Variants in PRR5L observed in about 807,000 individuals in gnomAD.
PRR5L encodes the protein proline rich 5 like, also known as proline-rich protein 5-like.
Under a neutral mutation model 36.4 loss-of-function variants are expected in PRR5L, and 21 were observed. The ratio of observed to expected loss-of-function variants is 0.58; its 90% CI spans 0.41 to 0.83. PRR5L has a LOEUF of 0.83. Ranked by LOEUF, PRR5L falls within the 40% of genes least tolerant of loss-of-function variation. The probability of loss-of-function intolerance (pLI) is 0.00; values close to 1 mark genes in which losing one functional copy is unlikely to be tolerated. For missense variants in PRR5L, 381 were observed against 473.3 expected, an observed-to-expected ratio of 0.80 and a Z score of 1.81; for synonymous variants, 188 against 197.0, an observed-to-expected ratio of 0.95 and a Z score of 0.38.
chr11:36,346,212 C>T (rs2133484277), intron 1 of PRR5L, among the ~76,000 whole-genome samples: 1 of 152,218 alleles, frequency 6.6e-6, no homozygotes, highest in Non-Finnish European at 1.5e-5. Flanking sequence ...TGTGTTCAAG[C>T]GATCCTCCAG....
chr11:36,462,072 C>G (rs890575483), intron 8 of PRR5L, among the ~76,000 whole-genome samples: 2 of 152,186 alleles, frequency 1.3e-5, no homozygotes, highest in Non-Finnish European at 2.9e-5. Context: ...ACCAGATTCC[C>G]TTGACTCTTA....
At position 36,378,789 on chromosome 11, in the gene PRR5L, C is replaced by T. The variant is rs140669918; in HGVS notation, c.-125-22208C>T. On this transcript the variant is annotated intron_variant, in intron 1 of 8. Transcript: ENST00000530639. ...AGAGACTTTGATAATATTATATACT[C>T]CTCATGCAAACAATGATATAGGTAC... 4.0e-3 allele frequency among the ~76,000 whole-genome samples: 608 copies of T among 152,258 alleles called. 8 individuals carry two copies. The highest frequency in any genetic ancestry group is 0.013 in the African/African-American group (560 of 41,538).
intron 1 of PRR5L, among the ~76,000 whole-genome samples, chr11:36,298,385 C>G (rs1856336532): frequency 8.1e-6 from 1 of 122,962 alleles, no homozygotes. Context: ...AGTGTAGAAT[C>G]AGTGGGAGCC....
intron 1 of PRR5L, among the ~76,000 whole-genome samples, chr11:36,342,102 C>G (rs898223203): frequency 3.3e-5 from 5 of 152,190 alleles, no homozygotes; most frequent in Non-Finnish European, 7.3e-5. Context: ...TGGGAGGATA[C>G]AGCAGACTCA....
chr11:36,345,451 C>T (rs1162521893), intron 1 of PRR5L, among the ~76,000 whole-genome samples: 1 of 151,848 alleles, frequency 6.6e-6, no homozygotes, highest in African/African-American at 2.4e-5. Context: ...GATTGTGCCC[C>T]GTGGATAGCA....
At chr11:36,331,222 C>T (rs1207956986) in intron 1 of PRR5L, among the ~76,000 whole-genome samples, 1 of 152,170 alleles carries the variant, frequency 6.6e-6, no homozygotes, top group Non-Finnish European at 1.5e-5. Flanking sequence ...TGACATGCTT[C>T]ATAGGCAATT....
At chr11:36,416,829 G>GGAGGA (rs1290712482) in intron 3 of PRR5L, among the ~76,000 whole-genome samples, 1 of 151,798 alleles carries the variant, frequency 6.6e-6, no homozygotes, top group Non-Finnish European at 1.5e-5. Flanking sequence ...TGATAGGAGG[G>GGAGGA]GAGGAGATGT....
chr11:36,393,820 T>C (rs1330193420), intron 1 of PRR5L: 1 of 152,244 alleles, frequency 6.6e-6, no homozygotes, highest in African/African-American at 2.4e-5. Context: ...ATGGAATGTC[T>C]TTCCATTTTT....
At chr11:36,456,848 G>C (rs944945272) in intron 8 of PRR5L, among the ~76,000 whole-genome samples, 3 of 152,246 alleles carry the variant, frequency 2.0e-5, no homozygotes, top group Non-Finnish European at 2.9e-5. Flanking sequence ...TCAAGCCCCT[G>C]TTGGGGGCCC....
chr11:36,354,657 T>C (rs1857008155), intron 1 of PRR5L, among the ~76,000 whole-genome samples: 1 of 152,216 alleles, frequency 6.6e-6, no homozygotes, highest in Non-Finnish European at 1.5e-5. Flanking sequence ...ATGCTACATG[T>C]GCCTTTGAAG....
chr11:36,354,427 C>T (rs912955185), intron 1 of PRR5L, among the ~76,000 whole-genome samples: 2 of 152,102 alleles, frequency 1.3e-5, no homozygotes, highest in Admixed American at 1.3e-4. Flanking sequence ...ATCTGGCTGT[C>T]CCTTATCAAT....
At chr11:36,419,561 A>T (rs1056838841) in intron 4 of PRR5L, among the ~76,000 whole-genome samples, 1 of 152,196 alleles carries the variant, frequency 6.6e-6, no homozygotes, top group African/African-American at 2.4e-5. Context: ...CGTATTGCTT[A>T]TTTGGGTTAT....
intron 1 of PRR5L, among the ~76,000 whole-genome samples, chr11:36,331,495 G>C (rs1339635186): frequency 6.6e-6 from 1 of 152,128 alleles, no homozygotes; most frequent in Admixed American, 6.5e-5. Flanking sequence ...TAAAGCATAG[G>C]AAATTATTCT....
At chr11:36,421,752 T>G (rs778321111) in intron 4 of PRR5L, among the ~76,000 whole-genome samples, 12 of 150,450 alleles carry the variant, frequency 8.0e-5, no homozygotes, top group Non-Finnish European at 1.6e-4. Flanking sequence ...CATTAGGGCT[T>G]GTGGTTAGAA....
At position 36,418,571 on chromosome 11, in the gene PRR5L, C is replaced by T. The variant is rs1178359244; in HGVS notation, c.246-684C>T. The stretch of plus-strand genomic sequence containing the variant: ...CAGCACTTTGGGAGGCCGAGGCGGG[C>T]GGATCACGAGGTCAGGAGATCGAGA... On this transcript the variant is annotated intron_variant, in intron 3 of 8. Transcript: ENST00000530639. 7.2e-5 allele frequency among the ~76,000 whole-genome samples: 11 copies of T among 152,142 alleles called. No homozygotes were observed. In the East Asian group the frequency reaches 9.7e-4, roughly 13 times the overall value.
chr11:36,390,242 G>T (rs143916581), intron 1 of PRR5L, among the ~76,000 whole-genome samples: 2 of 152,330 alleles, frequency 1.3e-5, no homozygotes, highest in African/African-American at 4.8e-5. Context: ...AGGGGGTGCA[G>T]GTTTGAACCT....
chr11:36,327,146 A>T (rs1315807226), intron 1 of PRR5L, among the ~76,000 whole-genome samples: 1 of 152,196 alleles, frequency 6.6e-6, no homozygotes, highest in Non-Finnish European at 1.5e-5. Context: ...TTACCTTCTT[A>T]CATTCAGTAA....
At chr11:36,434,940 T>G (rs1858573610) in intron 5 of PRR5L, among the ~76,000 whole-genome samples, 1 of 152,166 alleles carries the variant, frequency 6.6e-6, no homozygotes, top group South Asian at 2.1e-4. Flanking sequence ...TGTGTGCCAA[T>G]GAGCATCCTG....
intron 1 of PRR5L, among the ~76,000 whole-genome samples, chr11:36,388,700 T>C (rs1174487562): frequency 7.2e-6 from 1 of 138,196 alleles, no homozygotes; most frequent in Non-Finnish European, 1.6e-5. Flanking sequence ...CTTTCTTTCT[T>C]TTTTTTTTTT....
Sources: gnomAD v4.1 joint callset for allele counts (sites outside exome capture counted in the v4.1 genomes callset) on GRCh38, gnomAD v4.1.1 for gene constraint, MANE v1.5 for transcripts, NCBI Gene and HGNC (gene_info 2026-07-23, HGNC 2026-07-21) for gene names.